EPB41L4A: variants seen among roughly 807,000 people sequenced by gnomAD.
EPB41L4A encodes erythrocyte membrane protein band 4.1 like 4A.
EPB41L4A carries 100 observed loss-of-function variants against 108.6 expected under a neutral mutation model. That is an observed-to-expected ratio of 0.92 (90% CI 0.78 to 1.09). The LOEUF (loss-of-function observed/expected upper bound fraction) is 1.09. EPB41L4A is among the 50% of genes least tolerant of loss of function. EPB41L4A has a pLI of 0.00. For missense variants in EPB41L4A, 1,030 were observed against 842.7 expected (o/e 1.22, Z -2.75); for synonymous variants, 319 against 289.0 (o/e 1.10, Z -1.05).
chr5:112,418,532 A>C (rs567558140), intron 1 of EPB41L4A, among the ~76,000 whole-genome samples: 74 of 152,252 alleles, frequency 4.9e-4, no homozygotes, highest in African/African-American at 1.7e-3. Flanking sequence ...TCACTTCCCT[A>C]ATAACACTGT....
chr5:112,400,609 T>C (rs1761684885), intron 1 of EPB41L4A, among the ~76,000 whole-genome samples: 1 of 152,044 alleles, frequency 6.6e-6, no homozygotes, highest in Non-Finnish European at 1.5e-5. Context: ...ACTCATTCAC[T>C]AATGCAAAGA....
At chr5:112,418,837 G>A in intron 1 of EPB41L4A, 104 bp downstream of exon 1, 1 of 821,700 alleles carries the variant, frequency 1.2e-6, no homozygotes. Flanking sequence ...ACCGCGCAGA[G>A]TCGCGGCCGC....
intron 1 of EPB41L4A, among the ~76,000 whole-genome samples, chr5:112,342,079 G>A (rs1446667635): frequency 6.6e-6 from 1 of 152,120 alleles, no homozygotes; most frequent in Non-Finnish European, 1.5e-5. Context: ...CTCTGTCACA[G>A]AAATATATTC....
intron 19 of EPB41L4A, 36 bp from the exon 20 acceptor site, chr5:112,170,405 T>C: frequency 7.3e-7 from 1 of 1,364,936 alleles, no homozygotes. Context: ...ATAGTTGTGG[T>C]GCTGGTATAA....
chr5:112,335,726 A>G (rs1450209505), intron 1 of EPB41L4A, among the ~76,000 whole-genome samples: 2 of 152,180 alleles, frequency 1.3e-5, no homozygotes, highest in African/African-American at 4.8e-5. Flanking sequence ...AGAGAGAGAG[A>G]ATTTTAAGAT....
At chr5:112,280,352 G>A in intron 2 of EPB41L4A, 29 bp from the exon 3 acceptor site, 2 of 1,600,366 alleles carry the variant, frequency 1.2e-6, no homozygotes, top group Non-Finnish European at 1.7e-6. Flanking sequence ...GACAATTAAA[G>A]AAATTAGTTG....
At chr5:112,143,766 G>A in exon 14 of EPB41L4A, 1 of 402,060 alleles carries the variant, frequency 2.5e-6, no homozygotes, top group Non-Finnish European at 5.1e-6. Flanking sequence ...AATTGGCCCA[G>A]CTTGAGTCAC....
At chr5:112,166,526 C>G (rs1760260238) in intron 22 of EPB41L4A, among the ~76,000 whole-genome samples, 1 of 152,210 alleles carries the variant, frequency 6.6e-6, no homozygotes, top group Non-Finnish European at 1.5e-5. Flanking sequence ...CAGCCACTCA[C>G]ATGGCTAGCT....
chr5:112,319,978 A>G (rs561915047), intron 1 of EPB41L4A, among the ~76,000 whole-genome samples: 8 of 152,348 alleles, frequency 5.3e-5, no homozygotes, highest in African/African-American at 1.9e-4. Context: ...CATAAAGCCT[A>G]TGTGGTAAAA....
intron 4 of EPB41L4A, among the ~76,000 whole-genome samples, chr5:112,267,767 G>C (rs1751964070): frequency 6.6e-6 from 1 of 151,808 alleles, no homozygotes; most frequent in Non-Finnish European, 1.5e-5. Context: ...ACAGGATCAT[G>C]TCACTCTTTC....
At chr5:112,260,570 G>C (rs1032627485) in intron 7 of EPB41L4A, among the ~76,000 whole-genome samples, 1 of 152,120 alleles carries the variant, frequency 6.6e-6, no homozygotes, top group African/African-American at 2.4e-5. Context: ...ACACACACTT[G>C]AATTTTTTGA....
intron 17 of EPB41L4A, among the ~76,000 whole-genome samples, chr5:112,186,161 G>C (rs916772698): frequency 6.6e-6 from 1 of 152,180 alleles, no homozygotes; most frequent in African/African-American, 2.4e-5. Context: ...CTGTCCAGTT[G>C]ATGGGCAGAA....
intron 1 of EPB41L4A, among the ~76,000 whole-genome samples, chr5:112,396,711 G>T (rs1761376684): frequency 6.6e-6 from 1 of 152,238 alleles, no homozygotes; most frequent in Non-Finnish European, 1.5e-5. Context: ...TTTCCACTTA[G>T]CAAGGTGATG....
At chr5:112,309,075 A>G (rs1304245392) in intron 1 of EPB41L4A, among the ~76,000 whole-genome samples, 2 of 152,162 alleles carry the variant, frequency 1.3e-5, no homozygotes, top group Non-Finnish European at 2.9e-5. Flanking sequence ...AATTTTACTT[A>G]TACTTAGCTC....
intron 1 of EPB41L4A, among the ~76,000 whole-genome samples, chr5:112,355,070 T>C (rs940575469): frequency 1.3e-5 from 2 of 152,126 alleles, no homozygotes; most frequent in Non-Finnish European, 2.9e-5. Context: ...ATGCCTTAGG[T>C]TGCAGTTTTG....
Position 112,163,973 on chromosome 5 carries a change from T to A in EPB41L4A, c.*1017A>T, listed in dbSNP as rs536388635. The A allele has an allele frequency of 5.9e-5, 9 of 152,148 alleles. No homozygotes were observed. The highest frequency in any genetic ancestry group is 2.2e-4 in the African/African-American group (9 of 41,394). 9.4% of individuals were successfully genotyped at this position (152,148 alleles called of 1,614,324 possible). A position where few individuals can be genotyped will look rare whatever the true frequency, so the allele number is the denominator to read the frequency against. On this transcript the variant is annotated 3_prime_UTR_variant, in exon 23 of 23. Transcript: ENST00000261486. ...AACTGTACGTGGTAAGGGGGAGATA[T>A]AAGATGTCCTGCATAAGTATTTTCC...
rs768028753 is a variant in EPB41L4A at position 112,412,949 on chromosome 5, T to A, written c.99+5992A>T. Among the ~76,000 whole-genome samples, 4 of 152,280 alleles carry A rather than the reference T, an allele frequency of 2.6e-5. No individual in the cohort carries two copies. The East Asian group carries it at 7.7e-4, about 29-fold the overall frequency. Reference sequence around the variant, plus strand: ...TTTTCCAGTAAGCCTTAGAGCAGTGTCAGATTAGGTTTAAACAGCTTCAAG... The same window carrying A: ...TTTTCCAGTAAGCCTTAGAGCAGTGACAGATTAGGTTTAAACAGCTTCAAG... On this transcript the variant is annotated intron_variant, in intron 1 of 22. Coordinates refer to ENST00000261486, the MANE Select transcript of EPB41L4A (RefSeq NM_022140.5).
chr5:112,328,318 A>T (rs1336809260), intron 1 of EPB41L4A, among the ~76,000 whole-genome samples: 1 of 152,280 alleles, frequency 6.6e-6, no homozygotes, highest in Non-Finnish European at 1.5e-5. Flanking sequence ...CAAAAAAAAT[A>T]AAAAATCTTG....
intron 17 of EPB41L4A, among the ~76,000 whole-genome samples, chr5:112,190,299 G>T (rs1425101092): frequency 6.6e-6 from 1 of 152,036 alleles, no homozygotes; most frequent in African/African-American, 2.4e-5. Context: ...ATAAAACTTT[G>T]TAAGTTTTAA....
Sources: gnomAD v4.1 joint callset for allele counts (sites outside exome capture counted in the v4.1 genomes callset) on GRCh38, gnomAD v4.1.1 for gene constraint, MANE v1.5 for transcripts, NCBI Gene and HGNC (gene_info 2026-07-23, HGNC 2026-07-21) for gene names.